Variants in NEB observed in about 807,000 individuals in gnomAD.
NEB encodes nebulin.
A neutral mutation model predicts 952.2 loss-of-function variants in NEB; 512 were observed. The ratio of observed to expected loss-of-function variants is 0.54; its 90% CI spans 0.50 to 0.58. The LOEUF (loss-of-function observed/expected upper bound fraction) is 0.58, where lower values mean the gene tolerates loss of function less well. NEB is among the 20% of genes least tolerant of loss of function. The pLI, the probability that NEB is intolerant of heterozygous loss-of-function variation, is 0.00. For missense variants in NEB, 8,428 were observed against 9,231.1 expected, an observed-to-expected ratio of 0.91 and a Z score of 3.56; for synonymous variants, 2,900 against 3,149.8, an observed-to-expected ratio of 0.92 and a Z score of 2.66.
chr2:151,625,474 A>C, intron 71 of NEB, 60 bp downstream of exon 71: 1 of 1,315,338 alleles, frequency 7.6e-7, no homozygotes, highest in Non-Finnish European at 1.0e-6. Context: ...TAATTCTCAC[A>C]TTCCTACATC....
In NEB at chr2:151,665,486, G is replaced by A. The variant is rs2154177282; in HGVS notation, c.5085C>T (p.Pro1695=). 1.2e-6 allele frequency: 2 copies of A among 1,612,466 alleles called. No homozygotes were observed. The highest frequency in any genetic ancestry group is 2.2e-5 in the South Asian group (2 of 90,690). The change falls in exon 42 of 182, where the codon CCC becomes CCT. Residue 1695 remains proline, a synonymous_variant. Coordinates refer to ENST00000397345, the MANE Select transcript of NEB (RefSeq NM_001164508.2). Reference sequence around the variant, plus strand: ...CCTTCTCCACCTCCAGGGACTCTATGGGCACCCAGCCGATCCCTTTCATCC... The same window carrying A: ...CCTTCTCCACCTCCAGGGACTCTATAGGCACCCAGCCGATCCCTTTCATCC... ...TNWMKGIGWV[P]IESLEVEKAK... is the part of the protein sequence containing the mutation.
chr2:151,711,761 C>T (rs1294364982), intron 10 of NEB, among the ~76,000 whole-genome samples: 1 of 152,072 alleles, frequency 6.6e-6, no homozygotes, highest in Non-Finnish European at 1.5e-5. Context: ...TTGTAAACCC[C>T]ACAGTGCTAA....
At chr2:151,703,408 CCTTG>C (rs575133539) in intron 13 of NEB, among the ~76,000 whole-genome samples, 741 of 20,168 alleles carry the variant, frequency 0.037, 20 homozygotes, top group Middle Eastern at 0.06. Context: ...CGTTGGCCTG[CCTTG>C]CTAGATTGGG....
rs1428147523 is a variant in NEB at position 151,485,758 on chromosome 2, G to T, written c.*2C>A. The T allele has an allele frequency of 6.2e-7, 1 of 1,606,704 alleles. No homozygotes were observed. Among genetic ancestry groups the T allele is most frequent in the East Asian group, 2.2e-5 (1 of 44,708 alleles). On this transcript the variant is annotated 3_prime_UTR_variant, in exon 182 of 182. Transcript: ENST00000397345. Reference sequence around the variant, plus strand: ...GCAGACAAGTGTGATGCTTTGAAATGCCTAAATAGCTTCAACGTAGTTGGC... The same window carrying T: ...GCAGACAAGTGTGATGCTTTGAAATTCCTAAATAGCTTCAACGTAGTTGGC...
chr2:151,647,342 G>T (rs182138785), intron 54 of NEB, among the ~76,000 whole-genome samples: 1 of 151,770 alleles, frequency 6.6e-6, no homozygotes, highest in Non-Finnish European at 1.5e-5. Context: ...ACTCCTGATC[G>T]CAGGTGATCC....
At chr2:151,494,499 G>C (rs921386833) in intron 173 of NEB, among the ~76,000 whole-genome samples, 27 of 152,058 alleles carry the variant, frequency 1.8e-4, no homozygotes, top group Non-Finnish European at 3.1e-4. Context: ...TCCTCAAAAG[G>C]ATGAGAAACC....
Position 151,570,567 on chromosome 2 carries a change from G to A in NEB, c.17048C>T (p.Ala5683Val), listed in dbSNP as rs761829162. 3.6e-5 allele frequency: 58 copies of A among 1,605,056 alleles called. No individual in the cohort carries two copies. The highest frequency in any genetic ancestry group is 1.3e-4 in the African/African-American group (10 of 74,640). Reference sequence around the variant, plus strand: ...GGCATCCAGCCGGACATCACAGCCCGCCTTCATTTCATCCCAGCCCTCACG... The same window carrying A: ...GGCATCCAGCCGGACATCACAGCCCACCTTCATTTCATCCCAGCCCTCACG... ...LYREGWDEMK[A>V]GCDVRLDAIP... Residue 5683 changes from alanine to valine, a missense_variant, in exon 108 of 182, where the codon GCG (alanine) becomes GTG (valine). By Grantham distance (64) the Ala-to-Val change is moderately conservative. Around this residue, in one of 11 missense-constraint regions of NEB, gnomAD observed 3,374 missense variants for 3,651.5 expected, o/e 0.92. Transcript: ENST00000397345.
chr2:151,572,703 T>A lies in NEB; in HGVS notation c.17014-2102A>T, dbSNP rs139546341. Among the ~76,000 whole-genome samples the A allele has an allele frequency of 6.9e-3, 1,036 of 150,816 alleles. 12 individuals carry two copies. Among genetic ancestry groups the A allele is most frequent in the Middle Eastern group, 0.014 (4 of 292 alleles). ...TGGGATTACAGGTGAGCCACCACTATGCCTGGCTATTTTTTGTATTTTTAG... is the reference window on the plus strand; with the variant it reads ...TGGGATTACAGGTGAGCCACCACTAAGCCTGGCTATTTTTTGTATTTTTAG... On this transcript the variant is annotated intron_variant, in intron 107 of 181. Transcript: ENST00000397345.
intron 62 of NEB, 118 bp from the exon 63 acceptor site, chr2:151,639,502 T>G (rs2098820884): frequency 2.9e-6 from 2 of 694,278 alleles, no homozygotes; most frequent in Middle Eastern, 3.7e-4. Flanking sequence ...TTATACACAT[T>G]ATGTGTTTTA....
intron 109 of NEB, 56 bp downstream of exon 109, chr2:151,570,025 T>C: frequency 6.6e-7 from 1 of 1,514,562 alleles, no homozygotes; most frequent in Non-Finnish European, 8.9e-7. Context: ...TCATAAACTC[T>C]CTGGAAGTCA....
intron 51 of NEB, 67 bp from the exon 52 acceptor site, chr2:151,654,166 A>G (rs2099061138): frequency 1.0e-6 from 1 of 975,960 alleles, no homozygotes; most frequent in Admixed American, 2.7e-5. Context: ...ATTATTAGGG[A>G]AAAGTTTACC....
At chr2:151,610,382 G>T (rs566722585) in intron 80 of NEB, 134 bp downstream of exon 80, 90 of 746,508 alleles carry the variant, frequency 1.2e-4, no homozygotes, top group Admixed American at 1.8e-4. Context: ...ACAACAAAGG[G>T]AATGGTCTTG....
rs2153703181 is a variant in NEB, at chr2:151,561,231, G to A, written c.19078C>T (p.Gln6360Ter). Reference sequence around the variant, plus strand: ...ACCTCACTGGCATTAATGCCACTCTGAACAGCAGTCACATAGAGGGGCGTG... The same window carrying A: ...ACCTCACTGGCATTAATGCCACTCTAAACAGCAGTCACATAGAGGGGCGTG... Reference protein sequence around the residue: ...TDTPLYVTAVQSGINASEVKY... With the variant: ...TDTPLYVTAV The change falls in exon 122 of 182, where the codon CAG becomes TAG. Residue 6360 changes from glutamine (Q) to a stop codon, truncating the protein, a stop_gained. Coordinates refer to ENST00000397345, the MANE Select transcript of NEB (RefSeq NM_001164508.2). LOFTEE classifies it high-confidence loss of function. 1 of 1,608,356 alleles carries A rather than the reference G, an allele frequency of 6.2e-7. No homozygotes were observed.
chr2:151,639,574 C>G (rs2098822064), intron 62 of NEB, among the ~76,000 whole-genome samples, 190 bp from the exon 63 acceptor site: 1 of 152,068 alleles, frequency 6.6e-6, no homozygotes, highest in South Asian at 2.1e-4. Context: ...TTCTAATAAT[C>G]TGAAATGTAT....
At chr2:151,640,231 G>C (rs1215720419) in intron 61 of NEB, 124 bp downstream of exon 61, 4 of 1,489,366 alleles carry the variant, frequency 2.7e-6, no homozygotes, top group Non-Finnish European at 2.7e-6. Context: ...AATTCCTGTC[G>C]ATAAAGGCAA....
At chr2:151,573,932 T>G (rs1326834204) in intron 107 of NEB, among the ~76,000 whole-genome samples, 2 of 152,134 alleles carry the variant, frequency 1.3e-5, no homozygotes, top group Admixed American at 6.6e-5. Flanking sequence ...TAATTTGGCC[T>G]CTTTCTTTCC....
At chr2:151,510,917 G>C (rs186931807) in intron 161 of NEB, among the ~76,000 whole-genome samples, 5 of 152,308 alleles carry the variant, frequency 3.3e-5, no homozygotes, top group African/African-American at 1.2e-4. Context: ...TTCTCCATTG[G>C]AAATCGAGAA....
In NEB at chr2:151,643,211, G is replaced by A. The variant is rs1442943052; in HGVS notation, c.8099C>T (p.Ser2700Phe). 5.6e-6 allele frequency: 9 copies of A among 1,613,882 alleles called. No individual in the cohort carries two copies. The highest frequency in any genetic ancestry group is 7.6e-6 in the Non-Finnish European group (9 of 1,179,832). The part of the protein sequence containing the change: ...YRQHPDQFKF[S>F]SLMDSIPMVL... ...CATTGGTATGGAATCCATAAGGCTGGAAAACTTAAATTGATCTGGGTGCTG... is the reference window on the plus strand; with the variant it reads ...CATTGGTATGGAATCCATAAGGCTGAAAAACTTAAATTGATCTGGGTGCTG... The change falls in exon 58 of 182, where the codon TCC (serine) becomes TTC (phenylalanine). Residue 2700 changes from serine to phenylalanine, a missense_variant. Coordinates refer to ENST00000397345, the MANE Select transcript of NEB (RefSeq NM_001164508.2).
In NEB at chr2:151,523,692, A is replaced by C. The variant is rs117256095; in HGVS notation, c.22479+619T>G. 2.4e-3 allele frequency among the ~76,000 whole-genome samples: 359 copies of C among 152,286 alleles called. 9 individuals carry two copies. In the East Asian group the frequency reaches 0.046, roughly 19 times the overall value. ...GTCATGTGGTAACTGGGTTTGGGCA[A>C]CACATTTCTGAGTCCATTTGCTTCT... On this transcript the variant is annotated intron_variant, in intron 153 of 181. Transcript: ENST00000397345.
Sources: allele counts gnomAD v4.1 joint callset (sites outside exome capture counted in the v4.1 genomes callset), GRCh38; gene constraint gnomAD v4.1.1; regional missense constraint gnomAD v4.1.1; transcripts MANE v1.5; gene names NCBI Gene and HGNC (gene_info 2026-07-23, HGNC 2026-07-21).